CLYBL: variants seen among roughly 807,000 people sequenced by gnomAD.
The protein encoded by CLYBL is citramalyl-CoA lyase, mitochondrial.
CLYBL carries 31 observed loss-of-function variants against 38.9 expected under a neutral mutation model. That is an observed-to-expected ratio of 0.80 (90% CI 0.60 to 1.08). The LOEUF (loss-of-function observed/expected upper bound fraction) is 1.08. Ranked by LOEUF, CLYBL falls within the 50% of genes least tolerant of loss-of-function variation. The pLI, the probability that CLYBL is intolerant of heterozygous loss-of-function variation, is 0.00. For synonymous variants in CLYBL, 171 were observed against 158.6 expected, an observed-to-expected ratio of 1.08 and a Z score of -0.59; for missense variants, 434 against 411.6, an observed-to-expected ratio of 1.05 and a Z score of -0.47.
At chr13:99,813,209 G>A (rs1472556536) in intron 2 of CLYBL, among the ~76,000 whole-genome samples, 1 of 152,066 alleles carries the variant, frequency 6.6e-6, no homozygotes, top group Non-Finnish European at 1.5e-5. Flanking sequence ...CCTTAATGGG[G>A]GTCCCATGCC....
At chr13:99,632,781 T>C (rs1015136145) in intron 1 of CLYBL, among the ~76,000 whole-genome samples, 4 of 150,924 alleles carry the variant, frequency 2.7e-5, no homozygotes, top group African/African-American at 9.7e-5. Flanking sequence ...CCCCACTAGA[T>C]AGAGGTAGAA....
chr13:99,668,519 G>A (rs530990680), intron 1 of CLYBL, among the ~76,000 whole-genome samples: 1 of 150,054 alleles, frequency 6.7e-6, no homozygotes, highest in South Asian at 2.1e-4. Flanking sequence ...CTGGGAGGCG[G>A]AGGTTGCAGT....
intron 1 of CLYBL, among the ~76,000 whole-genome samples, chr13:99,699,757 G>A (rs2048034611): frequency 6.6e-6 from 1 of 151,420 alleles, no homozygotes; most frequent in East Asian, 2.0e-4. Context: ...ACTTTGGGAG[G>A]CCAAGGTGGG....
chr13:99,782,164 A>C (rs146857400), intron 2 of CLYBL, among the ~76,000 whole-genome samples: 86 of 152,024 alleles, frequency 5.7e-4, no homozygotes, highest in African/African-American at 2.0e-3. Context: ...GAATTTCCCT[A>C]TAGCGAAAGT....
chr13:99,645,330 A>C (rs1231268126), intron 1 of CLYBL, among the ~76,000 whole-genome samples: 1 of 152,098 alleles, frequency 6.6e-6, no homozygotes, highest in African/African-American at 2.4e-5. Flanking sequence ...CCCCGTCTCT[A>C]CTAAAAAAAT....
At chr13:99,703,543 G>A (rs763567282) in intron 1 of CLYBL, among the ~76,000 whole-genome samples, 1 of 152,124 alleles carries the variant, frequency 6.6e-6, no homozygotes, top group East Asian at 1.9e-4. Context: ...CTAATTTTTT[G>A]TATTTTTAGT....
chr13:99,777,310 A>G (rs1052294900), intron 2 of CLYBL, among the ~76,000 whole-genome samples: 5 of 152,114 alleles, frequency 3.3e-5, no homozygotes, highest in Non-Finnish European at 7.4e-5. Flanking sequence ...TATGTTCCCA[A>G]TCTACTTGTC....
chr13:99,747,907 A>C (rs1594156716), intron 1 of CLYBL, among the ~76,000 whole-genome samples: 1 of 152,232 alleles, frequency 6.6e-6, no homozygotes, highest in East Asian at 1.9e-4. Flanking sequence ...GATAAGGCCA[A>C]TAGATGGGGT....
intron 3 of CLYBL, among the ~76,000 whole-genome samples, chr13:99,861,815 G>A (rs2051611353): frequency 6.6e-6 from 1 of 152,064 alleles, no homozygotes; most frequent in East Asian, 1.9e-4. Context: ...GGCAAGGAGG[G>A]GGCAGCTAGA....
chr13:99,684,170 G>A (rs373995734), intron 1 of CLYBL, among the ~76,000 whole-genome samples: 3 of 149,796 alleles, frequency 2.0e-5, no homozygotes, highest in African/African-American at 4.9e-5. Flanking sequence ...GTGAGCCACC[G>A]GGCCTGGCAT....
intron 2 of CLYBL, among the ~76,000 whole-genome samples, chr13:99,799,414 T>C (rs2050087744): frequency 2.6e-5 from 2 of 76,560 alleles, no homozygotes; most frequent in African/African-American, 1.2e-4. Context: ...CTTAATAGTA[T>C]ATGAGTGGCC....
chr13:99,732,403 A>G (rs2139575456), intron 1 of CLYBL, among the ~76,000 whole-genome samples: 1 of 152,216 alleles, frequency 6.6e-6, no homozygotes, highest in East Asian at 1.9e-4. Context: ...CATGATGCCC[A>G]GGCTGGTCTC....
In CLYBL at chr13:99,757,336, A is replaced by G. The variant is rs539024554; in HGVS notation, c.63-15488A>G. On this transcript the variant is annotated intron_variant, in intron 1 of 8. Coordinates refer to ENST00000339105, the MANE Select transcript of CLYBL (RefSeq NM_206808.5). ...ATGGTAGCATTTGACTCAGTTAGAA[A>G]TTTTTACTGAGGCAAAATTTCTTGC... is the stretch of plus-strand genomic sequence containing the variant. Among the ~76,000 whole-genome samples, 3 of 152,236 alleles carry G rather than the reference A, an allele frequency of 2.0e-5. No individual in the cohort carries two copies. In the South Asian group the frequency reaches 6.2e-4, roughly 32 times the overall value.
At chr13:99,768,402 C>T (rs2049312843) in intron 1 of CLYBL, among the ~76,000 whole-genome samples, 1 of 150,504 alleles carries the variant, frequency 6.6e-6, no homozygotes, top group Non-Finnish European at 1.5e-5. Flanking sequence ...ACCATGTTGC[C>T]TAGGCTGGTC....
chr13:99,866,221 G>T lies in CLYBL; in HGVS notation c.635-19G>T. The T allele has an allele frequency of 6.2e-7, 1 of 1,610,718 alleles. No individual in the cohort carries two copies. On this transcript the variant is annotated intron_variant, in intron 5 of 8. Coordinates refer to ENST00000339105, the MANE Select transcript of CLYBL (RefSeq NM_206808.5). The stretch of plus-strand genomic sequence containing the variant: ...TCCAAAGTTAAAGCCTCCTTTTTCT[G>T]TTAACATCCCATTTTCAGGTGCAAC...
intron 1 of CLYBL, among the ~76,000 whole-genome samples, chr13:99,682,435 C>T (rs1270265556): frequency 6.6e-6 from 1 of 152,052 alleles, no homozygotes; most frequent in African/African-American, 2.4e-5. Context: ...AGCCACCGCG[C>T]CCAGCCAGGG....
chr13:99,772,348 TCTG>T (rs917056749), intron 1 of CLYBL, among the ~76,000 whole-genome samples: 9 of 152,212 alleles, frequency 5.9e-5, no homozygotes, highest in African/African-American at 2.2e-4. Flanking sequence ...ATTGATTATC[TCTG>T]CTATTATTGT....
At chr13:99,767,221 C>A (rs2049286439) in intron 1 of CLYBL, among the ~76,000 whole-genome samples, 1 of 152,162 alleles carries the variant, frequency 6.6e-6, no homozygotes, top group Admixed American at 6.5e-5. Context: ...ACCATCTGCT[C>A]AGGGTTTTTT....
chr13:99,664,088 G>C (rs1283535394), intron 1 of CLYBL, among the ~76,000 whole-genome samples: 1 of 152,218 alleles, frequency 6.6e-6, no homozygotes, highest in African/African-American at 2.4e-5. Context: ...GCTTTAGTCT[G>C]TGACTTAAAT....
Sources: gnomAD v4.1 joint callset for allele counts (sites outside exome capture counted in the v4.1 genomes callset) on GRCh38, gnomAD v4.1.1 for gene constraint, MANE v1.5 for transcripts, NCBI Gene and HGNC (gene_info 2026-07-23, HGNC 2026-07-21) for gene names.